RGMB: variants seen among roughly 807,000 people sequenced by gnomAD.
RGMB encodes the protein repulsive guidance molecule BMP co-receptor b, also known as repulsive guidance molecule B.
RGMB carries 16 observed loss-of-function variants against 26.9 expected under a neutral mutation model. The ratio of observed to expected loss-of-function variants is 0.60; its 90% CI spans 0.40 to 0.90. The LOEUF (loss-of-function observed/expected upper bound fraction) is 0.90. Ranked by LOEUF, RGMB falls within the 40% of genes least tolerant of loss-of-function variation. The probability of loss-of-function intolerance (pLI) is 0.00; values close to 1 mark genes in which losing one functional copy is unlikely to be tolerated. For missense variants in RGMB, 512 were observed against 573.3 expected (o/e 0.89, Z 1.09); for synonymous variants, 225 against 229.3 (o/e 0.98, Z 0.17).
At chr5:98,782,864 C>G (rs1001936703) in intron 2 of RGMB, among the ~76,000 whole-genome samples, 2 of 152,140 alleles carry the variant, frequency 1.3e-5, no homozygotes, top group Non-Finnish European at 2.9e-5. Context: ...TTTTCCTTAT[C>G]ACAAAAAGAC....
At chr5:98,788,358 T>A (rs762493230) in intron 2 of RGMB, among the ~76,000 whole-genome samples, 22 of 152,232 alleles carry the variant, frequency 1.4e-4, no homozygotes, top group Non-Finnish European at 3.1e-4. Context: ...GTAGGCTGAG[T>A]GGTGATTGTA....
chr5:98,787,328 C>T (rs1391959592), intron 2 of RGMB, among the ~76,000 whole-genome samples: 1 of 152,190 alleles, frequency 6.6e-6, no homozygotes, highest in African/African-American at 2.4e-5. Flanking sequence ...CTGTGGTTTT[C>T]TAATCCCATC....
chr5:98,770,608 T>C (rs1746123701), upstream of RGMB: 1 of 1,344,676 alleles, frequency 7.4e-7, no homozygotes, highest in African/African-American at 1.5e-5. Flanking sequence ...GTCCTGCGTG[T>C]TCCGAAGTTC....
chr5:98,775,979 A>G (rs73151459), intron 1 of RGMB, among the ~76,000 whole-genome samples: 3,320 of 152,312 alleles, frequency 0.022, 121 homozygotes, highest in African/African-American at 0.077. Flanking sequence ...TGCTCTTTGC[A>G]GATGGACTAC....
upstream of RGMB, among the ~76,000 whole-genome samples, chr5:98,771,496 A>G (rs1292627592): frequency 6.6e-6 from 1 of 152,182 alleles, no homozygotes; most frequent in Non-Finnish European, 1.5e-5. Context: ...GAGTGTGTCA[A>G]CTGACCTATG....
intron 2 of RGMB, among the ~76,000 whole-genome samples, chr5:98,789,495 C>T (rs180711133): frequency 2.0e-5 from 3 of 151,558 alleles, no homozygotes; most frequent in Admixed American, 1.3e-4. Flanking sequence ...TTTTTTCTCC[C>T]GGTGGAAAGG....
At chr5:98,779,451 G>A in intron 1 of RGMB, 129 bp from the exon 2 acceptor site, 1 of 872,682 alleles carries the variant, frequency 1.1e-6, no homozygotes, top group East Asian at 2.8e-5. Context: ...GTATCTGAAG[G>A]CTTCTTAAAA....
chr5:98,768,635 A>G (rs1746054219), upstream of RGMB: 1 of 152,166 alleles, frequency 6.6e-6, no homozygotes, highest in Non-Finnish European at 1.5e-5. Context: ...ATTCTTTGTA[A>G]CACACTTGCT....
At chr5:98,792,024 G>C (rs968637665) in intron 2 of RGMB, among the ~76,000 whole-genome samples, 1 of 152,192 alleles carries the variant, frequency 6.6e-6, no homozygotes, top group Non-Finnish European at 1.5e-5. Flanking sequence ...GGTGCTGTTT[G>C]GGAAAACATT....
intron 1 of RGMB, among the ~76,000 whole-genome samples, chr5:98,774,745 G>A (rs749248809): frequency 9.2e-5 from 14 of 152,150 alleles, no homozygotes; most frequent in Admixed American, 8.5e-4. Flanking sequence ...TTTTTGAGCA[G>A]GGATTTCTTT....
In RGMB at chr5:98,795,283, C is replaced by G. The variant is rs1747080908; in HGVS notation, c.*1530C>G. The stretch of plus-strand genomic sequence containing the variant: ...TAATTTGTTGATAAGTTTACATAAA[C>G]AGAAATAAAAGATACTATCTTTACC... On this transcript the variant is annotated 3_prime_UTR_variant, in exon 3 of 3. Transcript: ENST00000513185. 6.6e-6 allele frequency: 1 copy of G among 152,164 alleles called. No homozygotes were observed. Among genetic ancestry groups the G allele is most frequent in the Admixed American group, 6.5e-5 (1 of 15,282 alleles). 9.4% of individuals were successfully genotyped at this position (152,164 alleles called of 1,614,324 possible). A position where few individuals can be genotyped will look rare whatever the true frequency, so the allele number is the denominator to read the frequency against.
At position 98,779,679 on chromosome 5, in the gene RGMB, CTGAGT is replaced by C; in HGVS notation, c.238_242del (p.Glu80LeufsTer33). Reference sequence around the variant, plus strand: ...AACTCTGCCGTTGACGGCTTTGACTCTGAGTTTTGCAAGGCCTTGCGTGCCTATGC... The same window carrying C: ...AACTCTGCCGTTGACGGCTTTGACTCTTTGCAAGGCCTTGCGTGCCTATGC... On this transcript the variant is annotated frameshift_variant, in exon 2 of 3. Transcript: ENST00000513185. LOFTEE classifies it high-confidence loss of function. The C allele has an allele frequency of 6.3e-7, 1 of 1,590,310 alleles. No individual in the cohort carries two copies. The highest frequency in any genetic ancestry group is 8.6e-7 in the Non-Finnish European group (1 of 1,165,552).
chr5:98,783,129 G>C (rs1182972063), intron 2 of RGMB, among the ~76,000 whole-genome samples: 1 of 152,104 alleles, frequency 6.6e-6, no homozygotes, highest in Admixed American at 6.5e-5. Flanking sequence ...GCTTTCTCAA[G>C]GCCTCTGTGT....
At chr5:98,784,841 T>C (rs896618118) in intron 2 of RGMB, among the ~76,000 whole-genome samples, 2 of 152,212 alleles carry the variant, frequency 1.3e-5, no homozygotes, top group Admixed American at 6.5e-5. Flanking sequence ...TTTGAATCTA[T>C]GGACACTGTT....
In RGMB at chr5:98,779,628, A is replaced by C. The variant is rs767228141; in HGVS notation, c.185A>C (p.Asp62Ala). 3.3e-6 allele frequency: 5 copies of C among 1,533,310 alleles called. No homozygotes were observed. In the African/African-American group the frequency reaches 6.9e-5, roughly 21 times the overall value. The allele number at this position is 1,533,310 out of a possible 1,614,324, so 95.0% of individuals were successfully genotyped here. ...TGTCGAATCCAGAAATGCACCACGG[A>C]CTTCGTGTCCCTGACTTCTCACCTG... ...AQCRIQKCTT[D>A]FVSLTSHLNS... is the part of the protein sequence containing the mutation. The change falls in exon 2 of 3, where the codon GAC becomes GCC. Residue 62 changes from aspartate to alanine, a missense_variant. By Grantham distance (126) the Asp-to-Ala change is moderately radical. Transcript: ENST00000513185.
chr5:98,773,828 T>C lies in RGMB; in HGVS notation c.-243T>C. The stretch of plus-strand genomic sequence containing the variant: ...GTGTCTTCTCTTCCGCCCCTTTCCC[T>C]GCCTGCCGCCTCCGGCCGCCACGAT... On this transcript the variant is annotated 5_prime_UTR_variant, in exon 1 of 3. Coordinates refer to ENST00000513185, the MANE Select transcript of RGMB (RefSeq NM_001366508.1). 2.1e-6 allele frequency: 1 copy of C among 465,988 alleles called. No individual in the cohort carries two copies. The highest frequency in any genetic ancestry group is 2.1e-5 in the African/African-American group (1 of 48,438). The allele number at this position is 465,988 out of a possible 1,614,324, so 28.9% of individuals were successfully genotyped here. A position where few individuals can be genotyped will look rare whatever the true frequency, so the allele number is the denominator to read the frequency against.
intron 2 of RGMB, among the ~76,000 whole-genome samples, chr5:98,785,109 G>C (rs1403372453): frequency 6.6e-6 from 1 of 152,100 alleles, no homozygotes; most frequent in Non-Finnish European, 1.5e-5. Context: ...GAGGCATATT[G>C]GGAACAGATG....
At chr5:98,780,297 A>G (rs1746554926) in intron 2 of RGMB, 1 of 514,058 alleles carries the variant, frequency 1.9e-6, no homozygotes, top group South Asian at 3.4e-5. Flanking sequence ...TTAAATAGAC[A>G]GTGATATAAA....
intron 2 of RGMB, among the ~76,000 whole-genome samples, chr5:98,791,112 A>G (rs1049313195): frequency 5.9e-5 from 9 of 152,218 alleles, no homozygotes; most frequent in Non-Finnish European, 1.3e-4. Context: ...GATGCACAAC[A>G]AATTTCCTGA....
Sources: gnomAD v4.1 joint callset for allele counts (sites outside exome capture counted in the v4.1 genomes callset) on GRCh38, gnomAD v4.1.1 for gene constraint, MANE v1.5 for transcripts, NCBI Gene and HGNC (gene_info 2026-07-23, HGNC 2026-07-21) for gene names.